Variants in LRIF1 observed in about 807,000 individuals in gnomAD.
LRIF1 encodes the protein ligand dependent nuclear receptor interacting factor 1, also known as ligand-dependent nuclear receptor-interacting factor 1.
LRIF1 carries 32 observed loss-of-function variants against 52.7 expected under a neutral mutation model. The observed-to-expected ratio is 0.61, with a 90% CI of 0.46 to 0.82. LRIF1 has a LOEUF of 0.82. Among genes scored for constraint, LRIF1 ranks in the 40% least tolerant of loss-of-function variants. LRIF1 has a pLI of 0.00. For missense variants in LRIF1, 887 were observed against 892.0 expected (o/e 0.99, Z 0.07); for synonymous variants, 323 against 317.4 (o/e 1.02, Z -0.19).
At chr1:110,924,114 T>A in the LRIF1 span, among the ~76,000 whole-genome samples, 2 of 152,032 alleles carry the variant, frequency 1.3e-5, no homozygotes, top group Non-Finnish European at 2.9e-5. Flanking sequence ...TGACAATACA[T>A]TAAAAGTTAG....
chr1:110,878,630 G>A, the LRIF1 span, among the ~76,000 whole-genome samples: 2 of 152,142 alleles, frequency 1.3e-5, no homozygotes, highest in South Asian at 4.1e-4. Flanking sequence ...TTTTCTAATA[G>A]GTTTGAATGG....
the LRIF1 span, among the ~76,000 whole-genome samples, chr1:110,922,230 G>T: frequency 6.6e-6 from 1 of 152,290 alleles, no homozygotes; most frequent in Non-Finnish European, 1.5e-5. Flanking sequence ...GAGATGATTA[G>T]GATTTGAGGG....
chr1:110,932,729 G>C, the LRIF1 span, among the ~76,000 whole-genome samples: 1 of 152,162 alleles, frequency 6.6e-6, no homozygotes, highest in African/African-American at 2.4e-5. Flanking sequence ...ATCTTCTTTG[G>C]AGGCTATGGA....
At chr1:110,894,645 T>C in the LRIF1 span, among the ~76,000 whole-genome samples, 1 of 152,198 alleles carries the variant, frequency 6.6e-6, no homozygotes, top group Non-Finnish European at 1.5e-5. Context: ...TCTACTTGCT[T>C]TCCTCTGTGT....
At chr1:110,920,753 G>A in the LRIF1 span, among the ~76,000 whole-genome samples, 3 of 152,156 alleles carry the variant, frequency 2.0e-5, no homozygotes, top group Admixed American at 6.5e-5. Context: ...GGGGGCTGTC[G>A]ATAGTGGAAG....
chr1:110,896,577 C>A, the LRIF1 span: 1 of 1,389,452 alleles, frequency 7.2e-7, no homozygotes, highest in Non-Finnish European at 1.0e-6. Context: ...AAGGGCACAC[C>A]TTTTCCTCTA....
the LRIF1 span, among the ~76,000 whole-genome samples, chr1:110,895,442 C>T: frequency 2.6e-5 from 4 of 152,200 alleles, no homozygotes; most frequent in African/African-American, 9.7e-5. Flanking sequence ...AGCCCACCAA[C>T]ATCCCATTCC....
chr1:110,906,523 G>A, the LRIF1 span, among the ~76,000 whole-genome samples: 4 of 152,126 alleles, frequency 2.6e-5, no homozygotes, highest in African/African-American at 9.7e-5. Context: ...CAGCCTGGGT[G>A]ACAGGGTGAG....
rs1253849027 is a variant in LRIF1 at position 110,958,170 on chromosome 1, T to G, written c.69-5355A>C. ...TAGCTCCAACCAATCTCTACAACAA[T>G]ACCACCCACAACTTCTCAATGTGAA... is the stretch of plus-strand genomic sequence containing the variant. On this transcript the variant is annotated intron_variant, in intron 1 of 3. Coordinates refer to ENST00000369763, the MANE Select transcript of LRIF1 (RefSeq NM_018372.4). Among the ~76,000 whole-genome samples, 2 of 152,194 alleles carry G rather than the reference T, an allele frequency of 1.3e-5. 1 individual carries two copies. The highest frequency in any genetic ancestry group is 4.1e-4 in the South Asian group (2 of 4,830).
chr1:110,901,162 TTG>T, the LRIF1 span, among the ~76,000 whole-genome samples: 24 of 151,948 alleles, frequency 1.6e-4, no homozygotes, highest in African/African-American at 5.3e-4. Flanking sequence ...TTTTTTTTGT[TTG>T]TTTTTTGTTT....
the LRIF1 span, among the ~76,000 whole-genome samples, chr1:110,900,529 AT>A: frequency 6.6e-6 from 1 of 151,860 alleles, no homozygotes; most frequent in Non-Finnish European, 1.5e-5. Flanking sequence ...TGCCTGACTA[AT>A]TTTTTTGTGT....
At chr1:110,900,290 C>G in the LRIF1 span, among the ~76,000 whole-genome samples, 7 of 152,204 alleles carry the variant, frequency 4.6e-5, no homozygotes, top group African/African-American at 1.7e-4. Flanking sequence ...GACATGGAAG[C>G]TGGCTTCCCC....
Position 110,947,251 on chromosome 1 carries a change from A to C in LRIF1, c.*708T>G, listed in dbSNP as rs1276251116. The C allele has an allele frequency of 6.6e-6, 1 of 151,596 alleles. No homozygotes were observed. Among genetic ancestry groups the C allele is most frequent in the Non-Finnish European group, 1.5e-5 (1 of 67,886 alleles). The allele number at this position is 151,596 out of a possible 1,614,324, so 9.4% of individuals were successfully genotyped here. A position where few individuals can be genotyped will look rare whatever the true frequency, so the allele number is the denominator to read the frequency against. On this transcript the variant is annotated 3_prime_UTR_variant, in exon 4 of 4. Transcript: ENST00000369763. ...ACTGTTCAGGATCTACTTTTTACAC[A>C]ATCTCAGTAACGTATGTACATAGTC...
At chr1:110,934,044 G>A in the LRIF1 span, among the ~76,000 whole-genome samples, 12 of 152,278 alleles carry the variant, frequency 7.9e-5, 1 homozygote, top group East Asian at 1.9e-3. Flanking sequence ...AGAGACCCTT[G>A]TTCCAGACCC....
At chr1:110,961,628 T>C (rs1035157622) in intron 1 of LRIF1, among the ~76,000 whole-genome samples, 1 of 152,118 alleles carries the variant, frequency 6.6e-6, no homozygotes, top group African/African-American at 2.4e-5. Context: ...AAATTTTAAA[T>C]AAGCAGTAAC....
the LRIF1 span, chr1:110,941,843 C>T: frequency 3.3e-5 from 5 of 151,992 alleles, no homozygotes; most frequent in African/African-American, 1.2e-4. Context: ...ACCTCATTTC[C>T]TTCTTTATTC....
chr1:110,946,709 T>C (rs1435798493), downstream of LRIF1, among the ~76,000 whole-genome samples: 1 of 143,520 alleles, frequency 7.0e-6, no homozygotes, highest in African/African-American at 2.6e-5. Flanking sequence ...CAGGCTGTAG[T>C]GCAGTAGTGG....
At chr1:110,959,048 G>A (rs373827150) in intron 1 of LRIF1, among the ~76,000 whole-genome samples, 2 of 152,122 alleles carry the variant, frequency 1.3e-5, no homozygotes, top group East Asian at 3.9e-4. Context: ...TCTGTTTTCT[G>A]AAAGATCATA....
the LRIF1 span, among the ~76,000 whole-genome samples, chr1:110,935,528 A>G: frequency 3.9e-5 from 6 of 152,356 alleles, no homozygotes; most frequent in African/African-American, 1.4e-4. Flanking sequence ...TTCAGCAGAA[A>G]TTTTGGAGCT....
Sources: gnomAD v4.1 joint callset for allele counts (sites outside exome capture counted in the v4.1 genomes callset) on GRCh38, gnomAD v4.1.1 for gene constraint, MANE v1.5 for transcripts, NCBI Gene and HGNC (gene_info 2026-07-23, HGNC 2026-07-21) for gene names.